The following PDGFD variants were observed in gnomAD, a reference collection of about 807,000 sequenced individuals.
PDGFD encodes platelet derived growth factor D.
PDGFD carries 30 observed loss-of-function variants against 44.7 expected under a neutral mutation model. The observed-to-expected ratio is 0.67, with a 90% CI of 0.50 to 0.91. The LOEUF (loss-of-function observed/expected upper bound fraction) is 0.91. Ranked by LOEUF, PDGFD falls within the 40% of genes least tolerant of loss-of-function variation. The pLI is 0.00. For missense variants in PDGFD, 445 were observed against 457.8 expected, an observed-to-expected ratio of 0.97 and a Z score of 0.25; for synonymous variants, 173 against 168.4, an observed-to-expected ratio of 1.03 and a Z score of -0.21.
At chr11:104,014,019 G>C (rs1327323105) in intron 1 of PDGFD, among the ~76,000 whole-genome samples, 4 of 152,194 alleles carry the variant, frequency 2.6e-5, no homozygotes, top group African/African-American at 9.6e-5. Context: ...GTAACCTCCA[G>C]TATTCATCTT....
At chr11:104,028,880 A>T (rs1215955566) in intron 1 of PDGFD, among the ~76,000 whole-genome samples, 1 of 152,076 alleles carries the variant, frequency 6.6e-6, no homozygotes, top group South Asian at 2.1e-4. Flanking sequence ...GGAAAAAAAA[A>T]TCAATGATAC....
intron 3 of PDGFD, among the ~76,000 whole-genome samples, chr11:103,991,709 T>G (rs998307575): frequency 2.6e-5 from 4 of 152,214 alleles, no homozygotes; most frequent in Admixed American, 1.3e-4. Context: ...ACCTGATATA[T>G]TAATAATATG....
At chr11:103,941,039 T>C (rs1230129226) in intron 5 of PDGFD, among the ~76,000 whole-genome samples, 1 of 152,098 alleles carries the variant, frequency 6.6e-6, no homozygotes, top group Non-Finnish European at 1.5e-5. Flanking sequence ...ATTGAGCATC[T>C]AAAATATGTC....
Position 104,037,875 on chromosome 11 carries a change from C to T in PDGFD, c.125-37620G>A, listed in dbSNP as rs1226735014. On this transcript the variant is annotated intron_variant, in intron 1 of 6. Coordinates refer to ENST00000393158, the MANE Select transcript of PDGFD (RefSeq NM_025208.5). ...ATTTGAAGAAAAATGTGCTGGTCAT[C>T]GGCACCACTGGCACGCAGACTTATT... The T allele has an allele frequency of 1.7e-5, 27 of 1,613,996 alleles. No individual in the cohort carries two copies. In the Middle Eastern group the frequency reaches 4.9e-4, roughly 29 times the overall value.
chr11:104,038,166 T>C (rs1340915110), intron 1 of PDGFD: 1 of 749,250 alleles, frequency 1.3e-6, no homozygotes, highest in Non-Finnish European at 2.2e-6. Flanking sequence ...CTAACGTCAA[T>C]CCTGATTCCT....
chr11:104,151,539 G>GA (rs1862245632), intron 1 of PDGFD, among the ~76,000 whole-genome samples: 2 of 152,176 alleles, frequency 1.3e-5, no homozygotes, highest in Admixed American at 1.3e-4. Context: ...AAGAGAGAGG[G>GA]AAAATAATAC....
chr11:104,146,864 G>A (rs954460803), intron 1 of PDGFD, among the ~76,000 whole-genome samples: 1 of 151,742 alleles, frequency 6.6e-6, no homozygotes, highest in Non-Finnish European at 1.5e-5. Flanking sequence ...GATACAGTAG[G>A]GAATAAAACA....
At chr11:103,971,545 C>T (rs5029265) in intron 3 of PDGFD, among the ~76,000 whole-genome samples, 1 of 151,810 alleles carries the variant, frequency 6.6e-6, no homozygotes, top group Non-Finnish European at 1.5e-5. Flanking sequence ...AATGTGTATA[C>T]AGAGAAGAAC....
At chr11:103,956,290 T>C (rs547786005) in intron 3 of PDGFD, among the ~76,000 whole-genome samples, 38 of 151,066 alleles carry the variant, frequency 2.5e-4, no homozygotes, top group Non-Finnish European at 3.5e-4. Flanking sequence ...TCAATTCCCA[T>C]CTATGAGTGA....
Position 104,105,818 on chromosome 11 carries a change from A to C in PDGFD, c.124+57986T>G, listed in dbSNP as rs1309861100. ...GAAATTTTTGAAAGTTTTGCTGGAA[A>C]ACTTTTTTTGAAAGTTTTGCTGGAA... On this transcript the variant is annotated intron_variant, in intron 1 of 6. Coordinates refer to ENST00000393158, the MANE Select transcript of PDGFD (RefSeq NM_025208.5). 2.0e-5 allele frequency among the ~76,000 whole-genome samples: 3 copies of C among 151,852 alleles called. No homozygotes were observed. The East Asian group carries it at 5.8e-4, about 29-fold the overall frequency.
At chr11:103,990,911 G>A (rs61904885) in intron 3 of PDGFD, among the ~76,000 whole-genome samples, 18 of 152,116 alleles carry the variant, frequency 1.2e-4, no homozygotes, top group East Asian at 7.7e-4. Flanking sequence ...AGGCTGAGGC[G>A]GGCGGATCAA....
chr11:103,962,074 A>G (rs997009893), intron 3 of PDGFD, among the ~76,000 whole-genome samples: 1 of 152,174 alleles, frequency 6.6e-6, no homozygotes, highest in African/African-American at 2.4e-5. Flanking sequence ...ACAGATAGCT[A>G]TTCAGGGAAA....
intron 3 of PDGFD, among the ~76,000 whole-genome samples, chr11:103,963,834 G>T (rs1191218107): frequency 6.6e-6 from 1 of 152,014 alleles, no homozygotes; most frequent in Middle Eastern, 3.2e-3. Flanking sequence ...CAGGAATTTA[G>T]CTTGTTCTTG....
chr11:104,087,620 A>T (rs1469098773), intron 1 of PDGFD, among the ~76,000 whole-genome samples: 1 of 152,234 alleles, frequency 6.6e-6, no homozygotes, highest in Non-Finnish European at 1.5e-5. Context: ...AGTCAAGCGA[A>T]TGTCCCACAG....
chr11:103,965,136 T>C (rs1430155391), intron 3 of PDGFD, among the ~76,000 whole-genome samples: 8 of 152,138 alleles, frequency 5.3e-5, no homozygotes, highest in Admixed American at 3.3e-4. Flanking sequence ...TAGACCTTGA[T>C]ATACAGCCAC....
chr11:104,135,529 G>C (rs574574376), intron 1 of PDGFD, among the ~76,000 whole-genome samples: 1 of 152,184 alleles, frequency 6.6e-6, no homozygotes, highest in Non-Finnish European at 1.5e-5. Flanking sequence ...GAAAGACTGG[G>C]TGAAATGAGG....
At chr11:103,992,640 A>G (rs1049754260) in intron 3 of PDGFD, among the ~76,000 whole-genome samples, 1 of 152,186 alleles carries the variant, frequency 6.6e-6, no homozygotes, top group Non-Finnish European at 1.5e-5. Flanking sequence ...GGGCACTGTG[A>G]CAGGTGCTAA....
At position 104,161,924 on chromosome 11, in the gene PDGFD, T is replaced by C. The variant is rs1862393226; in HGVS notation, c.124+1880A>G. ...GATGACATTGACATTGAGGAAAGTA[T>C]TGAGCAATCAGAACTAATCAAAGAG... On this transcript the variant is annotated intron_variant, in intron 1 of 6. Coordinates refer to ENST00000393158, the MANE Select transcript of PDGFD (RefSeq NM_025208.5). 1.3e-5 allele frequency among the ~76,000 whole-genome samples: 2 copies of C among 150,552 alleles called. 1 individual carries two copies. Among genetic ancestry groups the C allele is most frequent in the African/African-American group, 4.9e-5 (2 of 40,690 alleles).
At chr11:103,995,541 T>C (rs1175738124) in intron 3 of PDGFD, among the ~76,000 whole-genome samples, 1 of 152,240 alleles carries the variant, frequency 6.6e-6, no homozygotes, top group Non-Finnish European at 1.5e-5. Flanking sequence ...TTGGGTCCTC[T>C]ATTGGACCTT....
Sources: gnomAD v4.1 joint callset for allele counts (sites outside exome capture counted in the v4.1 genomes callset) on GRCh38, gnomAD v4.1.1 for gene constraint, MANE v1.5 for transcripts, NCBI Gene and HGNC (gene_info 2026-07-23, HGNC 2026-07-21) for gene names.